LRRC7: variants seen among roughly 807,000 people sequenced by gnomAD.
LRRC7 encodes the protein leucine-rich repeat-containing protein 7.
Under a neutral mutation model 175.7 loss-of-function variants are expected in LRRC7, and 23 were observed. The observed-to-expected ratio is 0.13, with a 90% CI of 0.09 to 0.19. LRRC7 has a LOEUF of 0.19. Ranked by LOEUF, LRRC7 falls within the 10% of genes least tolerant of loss-of-function variation. The probability of loss-of-function intolerance (pLI) is 1.00; values close to 1 mark genes in which losing one functional copy is unlikely to be tolerated. For synonymous variants in LRRC7, 685 were observed against 680.9 expected (o/e 1.01, Z -0.09); for missense variants, 1,354 against 1,904.7 (o/e 0.71, Z 5.38).
intron 7 of LRRC7, among the ~76,000 whole-genome samples, chr1:69,893,855 T>G (rs1221479699): frequency 2.0e-5 from 3 of 152,124 alleles, no homozygotes; most frequent in Admixed American, 6.6e-5. Context: ...CTCTTGGTTT[T>G]GAGGAAGAGA....
chr1:70,011,331 G>A (rs921026874), intron 11 of LRRC7, among the ~76,000 whole-genome samples: 1 of 148,862 alleles, frequency 6.7e-6, no homozygotes, highest in East Asian at 1.9e-4. Context: ...AAGAGAATTG[G>A]TGGTTTTTTT....
At chr1:69,847,401 A>G (rs1326961087) in intron 7 of LRRC7, among the ~76,000 whole-genome samples, 1 of 152,104 alleles carries the variant, frequency 6.6e-6, no homozygotes, top group Non-Finnish European at 1.5e-5. Flanking sequence ...ATGAGCAGCA[A>G]ACATTTATTT....
intron 2 of LRRC7, among the ~76,000 whole-genome samples, chr1:69,693,602 G>A: frequency 8.3e-6 from 1 of 120,060 alleles, no homozygotes; most frequent in South Asian, 2.9e-4. Context: ...ATTATGCAGG[G>A]CAATCTATTT....
intron 4 of LRRC7, among the ~76,000 whole-genome samples, chr1:69,798,528 CT>C (rs1676075451): frequency 6.6e-6 from 1 of 151,968 alleles, no homozygotes; most frequent in African/African-American, 2.4e-5. Context: ...ATTTATGCAC[CT>C]TTAATTTTTA....
At chr1:69,729,452 T>C (rs1209599290) in intron 2 of LRRC7, among the ~76,000 whole-genome samples, 5 of 152,170 alleles carry the variant, frequency 3.3e-5, no homozygotes, top group African/African-American at 1.2e-4. Context: ...AATATACCCA[T>C]TCCAAATGGG....
chr1:69,666,094 G>A (rs1368993805), intron 1 of LRRC7, among the ~76,000 whole-genome samples: 2 of 151,964 alleles, frequency 1.3e-5, no homozygotes, highest in Admixed American at 6.6e-5. Flanking sequence ...TATGGTTTTT[G>A]TCCTTTATTG....
chr1:69,746,179 A>G (rs970381856), intron 2 of LRRC7, among the ~76,000 whole-genome samples: 8 of 152,032 alleles, frequency 5.3e-5, no homozygotes, highest in African/African-American at 1.9e-4. Flanking sequence ...GTTAACATAA[A>G]GTGCTCTCTC....
In LRRC7 at chr1:69,629,266, T is replaced by C. The variant is rs148871949; in HGVS notation, c.3-49115T>C. 7.0e-3 allele frequency among the ~76,000 whole-genome samples: 1,064 copies of C among 152,112 alleles called. 10 individuals carry two copies. Among genetic ancestry groups the C allele is most frequent in the African/African-American group, 0.025 (1,038 of 41,528 alleles). ...ACTATTAATATTCAACATAAGAAAA[T>C]GAATTATCTGATTAAAAAATAAGCA... On this transcript the variant is annotated intron_variant, in intron 1 of 26. Coordinates refer to ENST00000651989, the MANE Select transcript of LRRC7 (RefSeq NM_001370785.2).
chr1:69,584,433 T>C (rs1330206364), intron 1 of LRRC7, among the ~76,000 whole-genome samples: 1 of 152,122 alleles, frequency 6.6e-6, no homozygotes, highest in African/African-American at 2.4e-5. Context: ...CATAGTTGAA[T>C]TTCAGTAATA....
chr1:70,023,210 C>T lies in LRRC7; in HGVS notation c.1630C>T (p.Pro544Ser), dbSNP rs1251325285. ...PARLSGDCCT[P>S]WARCDQQIQD... The stretch of plus-strand genomic sequence containing the variant: ...CAGACTGTCTGGCGATTGCTGCACA[C>T]CATGGGCCAGGTGTGATCAGCAGAT... The change falls in exon 17 of 27, where the codon CCA (proline) becomes TCA (serine). Residue 544 changes from proline (P) to serine (S), a missense_variant. Physicochemically the swap from Pro to Ser is moderately conservative, Grantham distance 74 (BLOSUM62 -1). Coordinates refer to ENST00000651989, the MANE Select transcript of LRRC7 (RefSeq NM_001370785.2). 1 of 1,606,762 alleles carries T rather than the reference C, an allele frequency of 6.2e-7. No individual in the cohort carries two copies. Among genetic ancestry groups the T allele is most frequent in the African/African-American group, 1.3e-5 (1 of 74,900 alleles).
intron 7 of LRRC7, among the ~76,000 whole-genome samples, chr1:69,880,844 A>G (rs1686528371): frequency 2.0e-5 from 3 of 152,206 alleles, no homozygotes; most frequent in South Asian, 4.1e-4. Context: ...TTTGTGGTTT[A>G]ATTTCAAAAG....
At chr1:69,987,584 C>T (rs1383449177) in intron 10 of LRRC7, among the ~76,000 whole-genome samples, 1 of 152,112 alleles carries the variant, frequency 6.6e-6, no homozygotes, top group African/African-American at 2.4e-5. Context: ...TTTCTGTTTC[C>T]CTTTTCACTA....
At chr1:69,614,149 A>G (rs1220330673) in intron 1 of LRRC7, among the ~76,000 whole-genome samples, 2 of 152,052 alleles carry the variant, frequency 1.3e-5, no homozygotes, top group African/African-American at 4.8e-5. Flanking sequence ...ACACATGGAT[A>G]CATCATATAC....
In LRRC7 at chr1:70,132,457, C is replaced by CTTTTTTTTTTTTTTTTTTT. The variant is rs149091576; in HGVS notation, c.*10578_*10596dup. 2.6e-5 allele frequency among the ~76,000 whole-genome samples: 2 copies of CTTTTTTTTTTTTTTTTTTT among 76,450 alleles called. No homozygotes were observed. The highest frequency in any genetic ancestry group is 1.1e-4 in the African/African-American group (2 of 17,646). The allele number at this position is 76,450 out of a possible 152,430, so 50.2% of individuals were successfully genotyped here. On this transcript the variant is annotated 3_prime_UTR_variant, in exon 27 of 27. Coordinates refer to ENST00000651989, the MANE Select transcript of LRRC7 (RefSeq NM_001370785.2). ...TTTCTTTTTTCTTTTCTTTTCTTTT[C>CTTTTTTTTTTTTTTTTTTT]TTTTTTTTTTTTTTTTTTTTTTTTT...
intron 2 of LRRC7, among the ~76,000 whole-genome samples, chr1:69,714,752 A>G (rs1442124341): frequency 2.6e-5 from 4 of 152,130 alleles, no homozygotes; most frequent in Admixed American, 2.0e-4. Context: ...ATCACTTTTT[A>G]ACTTGAATAG....
At chr1:69,660,083 C>T (rs1015585095) in intron 1 of LRRC7, among the ~76,000 whole-genome samples, 1 of 151,616 alleles carries the variant, frequency 6.6e-6, no homozygotes, top group African/African-American at 2.4e-5. Flanking sequence ...AATATAAGAA[C>T]CCCAAAACAA....
intron 9 of LRRC7, among the ~76,000 whole-genome samples, chr1:69,984,890 C>A (rs1201135955): frequency 6.6e-6 from 1 of 152,136 alleles, no homozygotes; most frequent in Non-Finnish European, 1.5e-5. Context: ...ACATAGAAAC[C>A]CTTTCAGCAT....
chr1:69,871,556 A>C (rs1375460781), intron 7 of LRRC7, among the ~76,000 whole-genome samples: 1 of 152,036 alleles, frequency 6.6e-6, no homozygotes, highest in Non-Finnish European at 1.5e-5. Flanking sequence ...AAATATAAAA[A>C]TATAATATTC....
intron 11 of LRRC7, among the ~76,000 whole-genome samples, chr1:70,008,489 G>T (rs1242019270): frequency 6.6e-6 from 1 of 152,098 alleles, no homozygotes; most frequent in East Asian, 1.9e-4. Flanking sequence ...GTTTTAAATT[G>T]TATGTTTCAT....
Sources: gnomAD v4.1 joint callset for allele counts (sites outside exome capture counted in the v4.1 genomes callset) on GRCh38, gnomAD v4.1.1 for gene constraint, MANE v1.5 for transcripts, NCBI Gene and HGNC (gene_info 2026-07-23, HGNC 2026-07-21) for gene names.